The following PRKAG3 variants were observed in gnomAD, a reference collection of about 807,000 sequenced individuals.
The protein encoded by PRKAG3 is 5'-AMP-activated protein kinase subunit gamma-3.
Under a neutral mutation model 56.5 loss-of-function variants are expected in PRKAG3, and 39 were observed. The observed-to-expected ratio is 0.69, with a 90% CI of 0.53 to 0.90. The LOEUF (loss-of-function observed/expected upper bound fraction) is 0.90. PRKAG3 is among the 40% of genes least tolerant of loss of function. PRKAG3 has a pLI of 0.00. For missense variants in PRKAG3, 628 were observed against 627.5 expected (o/e 1.00, Z -0.01); for synonymous variants, 243 against 250.1 (o/e 0.97, Z 0.27).
chr2:218,827,016 A>G lies in PRKAG3; in HGVS notation c.1080T>C (p.Ala360=). The change falls in exon 10 of 13, where the codon GCT becomes GCC. Residue 360 remains alanine (A), a synonymous_variant. Transcript: ENST00000529249. This position sits in a 1 kb window ranked among gnomAD's most constrained non-coding sequence, Gnocchi z 5.3. ...GGATGGGTGCTGTCTCCAGCACCACAGCCAAGTCTCGGAATGTGCCGATGC... is the reference window on the plus strand; with the variant it reads ...GGATGGGTGCTGTCTCCAGCACCACGGCCAAGTCTCGGAATGTGCCGATGC... The G allele has an allele frequency of 6.2e-7, 1 of 1,614,156 alleles. No homozygotes were observed. Among genetic ancestry groups the G allele is most frequent in the East Asian group, 2.2e-5 (1 of 44,890 alleles).
intron 1 of PRKAG3, 65 bp downstream of exon 1, chr2:218,831,673 C>T: frequency 1.9e-6 from 3 of 1,572,326 alleles, no homozygotes; most frequent in Non-Finnish European, 2.6e-6. Flanking sequence ...CACACATTCA[C>T]AGCCCGTGCG....
chr2:218,831,630 C>A, intron 1 of PRKAG3, 108 bp downstream of exon 1: 5 of 1,432,864 alleles, frequency 3.5e-6, no homozygotes, highest in Non-Finnish European at 4.8e-6. Context: ...AAAATCCAGA[C>A]CAAACACACA....
chr2:218,829,305 T>C (rs1369782234), intron 4 of PRKAG3, among the ~76,000 whole-genome samples: 1 of 151,952 alleles, frequency 6.6e-6, no homozygotes, highest in Non-Finnish European at 1.5e-5. Flanking sequence ...TACTCTTTTT[T>C]CTAAGTCACT....
Position 218,827,917 on chromosome 2 carries a change from T to C in PRKAG3, c.775-39A>G. The C allele has an allele frequency of 6.2e-7, 1 of 1,612,622 alleles. No homozygotes were observed. The highest frequency in any genetic ancestry group is 8.5e-7 in the Non-Finnish European group (1 of 1,178,860). ...CAGGACTCCAGAAGTCAGAAAGACG[T>C]GGGCTTCTAGGGCACCAGGCTCCAG... is the stretch of plus-strand genomic sequence containing the variant. On this transcript the variant is annotated intron_variant, in intron 6 of 12. Transcript: ENST00000529249. This position sits in a 1 kb window ranked among gnomAD's most constrained non-coding sequence, Gnocchi z 5.3.
Position 218,827,006 on chromosome 2 carries a change from C to A in PRKAG3, c.1090G>T (p.Glu364Ter). ...AGTGCAGTCAGGATGGGTGCTGTCT[C>A]CAGCACCACAGCCAAGTCTCGGAAT... Residue 364 changes from glutamate to a stop codon, truncating the protein, a stop_gained, in exon 10 of 13, where the codon GAG becomes TAG. Transcript: ENST00000529249. LOFTEE classifies it high-confidence loss of function. This position sits in a 1 kb window ranked among gnomAD's most constrained non-coding sequence, Gnocchi z 5.3. The A allele has an allele frequency of 6.2e-7, 1 of 1,614,108 alleles. No homozygotes were observed. Among genetic ancestry groups the A allele is most frequent in the Non-Finnish European group, 8.5e-7 (1 of 1,180,000 alleles).
intron 10 of PRKAG3, among the ~76,000 whole-genome samples, chr2:218,825,692 G>A (rs1943921901): frequency 6.6e-6 from 1 of 151,710 alleles, no homozygotes; most frequent in Admixed American, 6.6e-5. Context: ...AAATGGAGAA[G>A]TGAGAATAAG....
In PRKAG3 at chr2:218,824,198, G is replaced by A. The variant is rs114396674; in HGVS notation, c.1353+24C>T. The A allele has an allele frequency of 6.2e-3, 10,009 of 1,614,004 alleles. 545 individuals are homozygous for A. In the African/African-American group the frequency reaches 0.11, roughly 18 times the overall value. ...AAGGACTGGGCTATATGTGTTGGGG[G>A]CATGAATGGAGGGCACACGGTACCT... On this transcript the variant is annotated intron_variant, in intron 12 of 12. Coordinates refer to ENST00000529249, the Ensembl canonical transcript of PRKAG3.
intron 10 of PRKAG3, among the ~76,000 whole-genome samples, chr2:218,826,440 T>G (rs1232924394): frequency 1.3e-5 from 2 of 152,168 alleles, no homozygotes; most frequent in African/African-American, 4.8e-5. Context: ...CACATTTAAT[T>G]TTTTAAATTT....
At position 218,823,636 on chromosome 2, in the gene PRKAG3, C is replaced by T. The variant is rs1380335921; in HGVS notation, c.*126G>A. 6.3e-6 allele frequency: 10 copies of T among 1,585,274 alleles called. No homozygotes were observed. Among genetic ancestry groups the T allele is most frequent in the Non-Finnish European group, 8.5e-6 (10 of 1,170,636 alleles). ...AAGAGGCTGGTGTCATGGCCCAGGG[C>T]AGAGCCTACCTGAATCATAGCTGAA... On this transcript the variant is annotated 3_prime_UTR_variant, in exon 13 of 13. Transcript: ENST00000529249.
Position 218,827,519 on chromosome 2 carries a change from C to T in PRKAG3, c.875+56G>A. The T allele has an allele frequency of 6.2e-7, 1 of 1,603,130 alleles. No individual in the cohort carries two copies. The highest frequency in any genetic ancestry group is 8.5e-7 in the Non-Finnish European group (1 of 1,170,232). ...GAGGTGAGTTCAGAGCTGAGTGGGA[C>T]TGGGGAAGGGGACTGTGGGAGGAGG... On this transcript the variant is annotated intron_variant, in intron 8 of 12. Transcript: ENST00000529249. The surrounding 1 kb of genome is among the most constrained non-coding windows in gnomAD (Gnocchi z 5.3).
chr2:218,825,351 A>C (rs1333074144), intron 10 of PRKAG3, among the ~76,000 whole-genome samples: 1 of 151,724 alleles, frequency 6.6e-6, no homozygotes, highest in Admixed American at 6.6e-5. Flanking sequence ...AAAAAAAAAA[A>C]AAAATTCTTG....
In PRKAG3 at chr2:218,827,657, G is replaced by C; in HGVS notation, c.821-28C>G. 6.2e-7 allele frequency: 1 copy of C among 1,612,842 alleles called. No homozygotes were observed. The highest frequency in any genetic ancestry group is 8.5e-7 in the Non-Finnish European group (1 of 1,178,990). On this transcript the variant is annotated intron_variant, in intron 7 of 12. Transcript: ENST00000529249. The surrounding 1 kb of genome is among the most constrained non-coding windows in gnomAD (Gnocchi z 5.3). ...GCAGAAAGAGCCAGAGTCAGGCCAGGGGAGCCGGTCACCTGCCTCACCTTG... is the reference window on the plus strand; with the variant it reads ...GCAGAAAGAGCCAGAGTCAGGCCAGCGGAGCCGGTCACCTGCCTCACCTTG...
At position 218,827,332 on chromosome 2, in the gene PRKAG3, T is replaced by C. The variant is rs781416837; in HGVS notation, c.917A>G (p.His306Arg). The C allele has an allele frequency of 1.2e-6, 2 of 1,614,166 alleles. No homozygotes were observed. The highest frequency in any genetic ancestry group is 2.2e-5 in the South Asian group (2 of 91,080). ...CACCGGGTCAAGAACAGGCAGGCGATGGATCCGGTTCTTGATGAGGGTGTA... is the reference window on the plus strand; with the variant it reads ...CACCGGGTCAAGAACAGGCAGGCGACGGATCCGGTTCTTGATGAGGGTGTA... The change falls in exon 9 of 13, where the codon CAT becomes CGT. Residue 306 changes from histidine (H) to arginine (R), a missense_variant. Transcript: ENST00000529249. This position sits in a 1 kb window ranked among gnomAD's most constrained non-coding sequence, Gnocchi z 5.3.
chr2:218,828,520 C>T, exon 5 of PRKAG3: 1 of 1,613,110 alleles, frequency 6.2e-7, no homozygotes, highest in Non-Finnish European at 8.5e-7. Context: ...TCTCCTCACC[C>T]ACAAAGCTCT....
intron 3 of PRKAG3, 88 bp from the exon 4 acceptor site, chr2:218,830,469 G>C: frequency 6.7e-7 from 1 of 1,489,658 alleles, no homozygotes; most frequent in Non-Finnish European, 9.1e-7. Context: ...CACAGCAGCA[G>C]TGGGAAGCCT....
exon 4 of PRKAG3, chr2:218,830,076 G>T: frequency 3.1e-6 from 5 of 1,613,200 alleles, no homozygotes; most frequent in Non-Finnish European, 4.2e-6. Flanking sequence ...TGGGCGCCGG[G>T]TTTCCGCAGT....
chr2:218,825,110 G>A (rs144653346), intron 10 of PRKAG3, among the ~76,000 whole-genome samples: 138 of 152,254 alleles, frequency 9.1e-4, no homozygotes, highest in African/African-American at 3.2e-3. Flanking sequence ...GCCGAGGTGG[G>A]TGGATCACAA....
At position 218,827,783 on chromosome 2, in the gene PRKAG3, C is replaced by T; in HGVS notation, c.820+50G>A. The T allele has an allele frequency of 1.3e-6, 2 of 1,554,954 alleles. No individual in the cohort carries two copies. Among genetic ancestry groups the T allele is most frequent in the Non-Finnish European group, 8.7e-7 (1 of 1,150,808 alleles). On this transcript the variant is annotated intron_variant, in intron 7 of 12. Coordinates refer to ENST00000529249, the Ensembl canonical transcript of PRKAG3. This position sits in a 1 kb window ranked among gnomAD's most constrained non-coding sequence, Gnocchi z 5.3. ...CCACTGCCCATCCTCCACCTTAAGC[C>T]CTGGCCCACCATCACCAACAGCCCT...
intron 1 of PRKAG3, 30 bp from the exon 2 acceptor site, chr2:218,831,405 G>T (rs1257159616): frequency 1.9e-6 from 3 of 1,580,512 alleles, no homozygotes; most frequent in Non-Finnish European, 2.6e-6. Context: ...TGAAGGAGTG[G>T]GGAAAGTGCC....
Sources: allele counts gnomAD v4.1 joint callset (sites outside exome capture counted in the v4.1 genomes callset), GRCh38; gene constraint gnomAD v4.1.1; non-coding constraint Gnocchi (gnomAD v3.1); transcripts MANE v1.5; gene names NCBI Gene and HGNC (gene_info 2026-07-23, HGNC 2026-07-21).